PDE4B: variants seen among roughly 807,000 people sequenced by gnomAD.
PDE4B encodes the protein 3',5'-cyclic-AMP phosphodiesterase 4B.
In PDE4B, 20 loss-of-function variants were observed where a neutral mutation model predicts 82.2. That is an observed-to-expected ratio of 0.24 (90% CI 0.17 to 0.35). The LOEUF (loss-of-function observed/expected upper bound fraction) is 0.35, where lower values mean the gene tolerates loss of function less well. Among genes scored for constraint, PDE4B ranks in the 10% least tolerant of loss-of-function variants. The probability of loss-of-function intolerance (pLI) is 1.00; values close to 1 mark genes in which losing one functional copy is unlikely to be tolerated. For missense variants in PDE4B, 655 were observed against 907.2 expected (o/e 0.72, Z 3.57); for synonymous variants, 320 against 318.9 (o/e 1.00, Z -0.04).
At chr1:66,338,752 C>G (rs542296224) in intron 8 of PDE4B, among the ~76,000 whole-genome samples, 1 of 152,184 alleles carries the variant, frequency 6.6e-6, no homozygotes, top group Non-Finnish European at 1.5e-5. Flanking sequence ...GGCGCGGTGG[C>G]TCACGCCTGT....
intron 3 of PDE4B, among the ~76,000 whole-genome samples, chr1:66,183,892 C>A (rs1204167271): frequency 3.3e-5 from 5 of 152,116 alleles, no homozygotes; most frequent in Admixed American, 2.0e-4. Context: ...AAAGTGTTGG[C>A]ACCTGACAGT....
rs138195536 is a variant in PDE4B, at chr1:66,284,065, G to A, written c.634+17978G>A. Among the ~76,000 whole-genome samples the A allele has an allele frequency of 8.4e-4, 128 of 152,204 alleles. 1 individual carries two copies. The East Asian group carries it at 0.011, about 13-fold the overall frequency. ...TTCTTCTTTGGGAGAGTTAACAGTC[G>A]TGGGGCAGACAAACATAACTTGATT... On this transcript the variant is annotated intron_variant, in intron 7 of 16. Coordinates refer to ENST00000341517, the MANE Select transcript of PDE4B (RefSeq NM_002600.4).
At chr1:65,999,484 A>C (rs1386664199) in intron 3 of PDE4B, among the ~76,000 whole-genome samples, 1 of 152,172 alleles carries the variant, frequency 6.6e-6, no homozygotes, top group Non-Finnish European at 1.5e-5. Flanking sequence ...TCTGCCTGGA[A>C]GAAAAGTACC....
rs1018569201 is a variant in PDE4B at position 65,811,576 on chromosome 1, G to A, written c.-71+18328G>A. ...TACATCTCATTCCTGCCATTTATTAGTTATAGGATCATGGAAAAATTTTTG... is the reference window on the plus strand; with the variant it reads ...TACATCTCATTCCTGCCATTTATTAATTATAGGATCATGGAAAAATTTTTG... On this transcript the variant is annotated intron_variant, in intron 1 of 16. Coordinates refer to ENST00000341517, the MANE Select transcript of PDE4B (RefSeq NM_002600.4). Among the ~76,000 whole-genome samples, 4 of 152,154 alleles carry A rather than the reference G, an allele frequency of 2.6e-5. No individual in the cohort carries two copies. The East Asian group carries it at 5.8e-4, about 22-fold the overall frequency.
intron 1 of PDE4B, among the ~76,000 whole-genome samples, chr1:65,852,471 T>C (rs1646343095): frequency 6.6e-6 from 1 of 151,940 alleles, no homozygotes; most frequent in African/African-American, 2.4e-5. Flanking sequence ...TATCTTTTTT[T>C]CCTTCTATCT....
intron 3 of PDE4B, among the ~76,000 whole-genome samples, chr1:66,232,060 CAAG>C (rs899851972): frequency 3.3e-5 from 5 of 152,188 alleles, no homozygotes; most frequent in Non-Finnish European, 7.3e-5. Flanking sequence ...GTTTAAATTA[CAAG>C]AAGATTAAAT....
chr1:66,209,234 G>A (rs958263372), intron 3 of PDE4B, among the ~76,000 whole-genome samples: 3 of 152,132 alleles, frequency 2.0e-5, no homozygotes, highest in Non-Finnish European at 2.9e-5. Flanking sequence ...ATTAATTATG[G>A]CACCATTAAT....
chr1:66,116,578 C>T (rs927096255), intron 3 of PDE4B, among the ~76,000 whole-genome samples: 1 of 152,104 alleles, frequency 6.6e-6, no homozygotes, highest in East Asian at 1.9e-4. Flanking sequence ...CAGCCCACCA[C>T]CCCATGCAAG....
chr1:66,023,739 C>G (rs188836454), intron 3 of PDE4B, among the ~76,000 whole-genome samples: 20 of 152,174 alleles, frequency 1.3e-4, no homozygotes, highest in Non-Finnish European at 1.6e-4. Flanking sequence ...ATTAGATCAA[C>G]TACCATTTAT....
At chr1:65,970,591 A>G (rs1251609534) in intron 3 of PDE4B, among the ~76,000 whole-genome samples, 3 of 152,168 alleles carry the variant, frequency 2.0e-5, no homozygotes, top group African/African-American at 7.2e-5. Context: ...TGGGGGAAAT[A>G]GATATGCCAA....
At chr1:65,807,726 C>G (rs1645770188) in intron 1 of PDE4B, among the ~76,000 whole-genome samples, 1 of 152,138 alleles carries the variant, frequency 6.6e-6, no homozygotes, top group South Asian at 2.1e-4. Flanking sequence ...TCTTTAATTA[C>G]TCATGAGCCT....
At chr1:65,990,930 C>T (rs997610795) in intron 3 of PDE4B, among the ~76,000 whole-genome samples, 7 of 152,022 alleles carry the variant, frequency 4.6e-5, no homozygotes, top group African/African-American at 1.7e-4. Flanking sequence ...TACCGTAAAC[C>T]AGTAATTTAA....
intron 3 of PDE4B, among the ~76,000 whole-genome samples, chr1:66,153,583 CCTGTG>C (rs1646445470): frequency 6.6e-6 from 1 of 151,846 alleles, no homozygotes; most frequent in Non-Finnish European, 1.5e-5. Flanking sequence ...TTTTCTGTGC[CCTGTG>C]CTGTGCTAGC....
At chr1:66,058,780 T>C (rs1309170363) in intron 3 of PDE4B, among the ~76,000 whole-genome samples, 1 of 152,152 alleles carries the variant, frequency 6.6e-6, no homozygotes, top group Non-Finnish European at 1.5e-5. Context: ...AAACCATTTT[T>C]TCCCCCTAGA....
intron 3 of PDE4B, among the ~76,000 whole-genome samples, chr1:65,984,823 G>A (rs12072086): frequency 3.6e-4 from 55 of 152,136 alleles, no homozygotes; most frequent in African/African-American, 1.3e-3. Context: ...CTCTCAGCAT[G>A]CTTACATATC....
chr1:66,333,492 T>C lies in PDE4B; in HGVS notation c.747+872T>C, dbSNP rs983079402. On this transcript the variant is annotated intron_variant, in intron 8 of 16. Coordinates refer to ENST00000341517, the MANE Select transcript of PDE4B (RefSeq NM_002600.4). ...TACACACACACACACACACATACACTTTGTTAAAAAGCCTTACACCATACC... is the reference window on the plus strand; with the variant it reads ...TACACACACACACACACACATACACCTTGTTAAAAAGCCTTACACCATACC... Among the ~76,000 whole-genome samples the C allele has an allele frequency of 3.3e-5, 5 of 152,188 alleles. No individual in the cohort carries two copies. The East Asian group carries it at 7.7e-4, about 23-fold the overall frequency.
chr1:65,966,126 C>A (rs1454189853), intron 3 of PDE4B, among the ~76,000 whole-genome samples: 1 of 152,280 alleles, frequency 6.6e-6, no homozygotes, highest in Non-Finnish European at 1.5e-5. Context: ...CTGCAGATGA[C>A]ATGATTGTAT....
chr1:66,338,260 A>G (rs1322704293), intron 8 of PDE4B, among the ~76,000 whole-genome samples: 1 of 152,236 alleles, frequency 6.6e-6, no homozygotes, highest in African/African-American at 2.4e-5. Context: ...CTGACTTACC[A>G]TCAATGATCC....
intron 1 of PDE4B, among the ~76,000 whole-genome samples, chr1:65,870,024 A>G (rs1420971601): frequency 6.6e-6 from 1 of 152,168 alleles, no homozygotes; most frequent in Non-Finnish European, 1.5e-5. Flanking sequence ...GACAGCTCAC[A>G]TATGTCATAA....
Sources: allele counts gnomAD v4.1 joint callset (sites outside exome capture counted in the v4.1 genomes callset), GRCh38; gene constraint gnomAD v4.1.1; transcripts MANE v1.5; gene names NCBI Gene and HGNC (gene_info 2026-07-23, HGNC 2026-07-21).